Variants in GRM7 observed in about 807,000 individuals in gnomAD.
The protein encoded by GRM7 is glutamate metabotropic receptor 7.
A neutral mutation model predicts 84.5 loss-of-function variants in GRM7; 35 were observed. The ratio of observed to expected loss-of-function variants is 0.41; its 90% CI spans 0.32 to 0.55. The LOEUF is 0.55. Ranked by LOEUF, GRM7 falls within the 20% of genes least tolerant of loss-of-function variation. The pLI is 0.19. For synonymous variants in GRM7, 487 were observed against 455.1 expected (o/e 1.07, Z -0.89); for missense variants, 1,003 against 1,194.6 (o/e 0.84, Z 2.36).
chr3:7,605,580 G>A (rs1347366202), intron 8 of GRM7, among the ~76,000 whole-genome samples: 1 of 152,134 alleles, frequency 6.6e-6, no homozygotes, highest in Non-Finnish European at 1.5e-5. Flanking sequence ...CAGCAAGAAT[G>A]TCAAGTAGAG....
chr3:7,320,053 TATATAA>T (rs1700719109), intron 4 of GRM7, among the ~76,000 whole-genome samples: 2 of 151,966 alleles, frequency 1.3e-5, no homozygotes, highest in Non-Finnish European at 1.5e-5. Context: ...TCTTTCACTT[TATATAA>T]ATATAATTAT....
intron 4 of GRM7, among the ~76,000 whole-genome samples, chr3:7,399,948 C>A (rs948670870): frequency 2.0e-5 from 3 of 152,086 alleles, no homozygotes; most frequent in Non-Finnish European, 4.4e-5. Context: ...TCCTTTACAG[C>A]AACACAAAAA....
chr3:7,052,253 C>T (rs1162822545), intron 1 of GRM7, among the ~76,000 whole-genome samples: 1 of 151,640 alleles, frequency 6.6e-6, no homozygotes, highest in Non-Finnish European at 1.5e-5. Context: ...ATCCCTTCTG[C>T]CCTGTTCTCT....
intron 7 of GRM7, among the ~76,000 whole-genome samples, chr3:7,573,796 T>C (rs750325687): frequency 1.2e-4 from 18 of 152,214 alleles, no homozygotes; most frequent in Non-Finnish European, 1.9e-4. Context: ...AGGAGACAAA[T>C]AGAAAAACTT....
At chr3:7,162,036 T>A (rs1171243991) in intron 2 of GRM7, among the ~76,000 whole-genome samples, 7 of 152,210 alleles carry the variant, frequency 4.6e-5, no homozygotes, top group Non-Finnish European at 7.3e-5. Context: ...ATATTTAGGT[T>A]GTGAACAACT....
chr3:7,406,768 C>T (rs980155065), intron 4 of GRM7, among the ~76,000 whole-genome samples: 14 of 152,134 alleles, frequency 9.2e-5, no homozygotes, highest in African/African-American at 3.1e-4. Flanking sequence ...GCTTTAAATG[C>T]CTTTTCAAAA....
chr3:7,077,292 T>G (rs1049621581), intron 1 of GRM7, among the ~76,000 whole-genome samples: 1 of 152,346 alleles, frequency 6.6e-6, no homozygotes, highest in South Asian at 2.1e-4. Context: ...ATTGCAGCAC[T>G]GTTCACAATA....
intron 9 of GRM7, among the ~76,000 whole-genome samples, chr3:7,725,905 T>A (rs962237621): frequency 1.4e-4 from 21 of 152,120 alleles, no homozygotes; most frequent in Admixed American, 1.2e-3. Context: ...AAAAAAAAAT[T>A]CCACTCCAAC....
At chr3:7,468,399 C>T in intron 7 of GRM7, among the ~76,000 whole-genome samples, 1 of 152,116 alleles carries the variant, frequency 6.6e-6, no homozygotes, top group East Asian at 1.9e-4. Context: ...GGATCTGAGT[C>T]TCAGTTCTAC....
intron 9 of GRM7, among the ~76,000 whole-genome samples, chr3:7,700,043 T>C (rs1701169972): frequency 6.6e-6 from 1 of 152,210 alleles, no homozygotes. Context: ...TGTGATCTGA[T>C]ACATAGCTGA....
intron 2 of GRM7, among the ~76,000 whole-genome samples, chr3:7,168,612 T>C (rs1387990994): frequency 1.3e-5 from 2 of 152,206 alleles, no homozygotes; most frequent in African/African-American, 4.8e-5. Flanking sequence ...AGCCCTTCAA[T>C]GTATGACATT....
At chr3:7,711,084 A>G (rs956602852) in intron 9 of GRM7, among the ~76,000 whole-genome samples, 2 of 152,154 alleles carry the variant, frequency 1.3e-5, no homozygotes, top group Non-Finnish European at 1.5e-5. Flanking sequence ...AGTTGTCCCT[A>G]AGTATTAGAC....
intron 4 of GRM7, among the ~76,000 whole-genome samples, chr3:7,350,210 TGA>T (rs1317420148): frequency 6.6e-6 from 1 of 152,118 alleles, no homozygotes; most frequent in Non-Finnish European, 1.5e-5. Context: ...CTAAAATTAC[TGA>T]GAAAAAGTTT....
At chr3:7,185,221 A>G (rs74404080) in intron 2 of GRM7, among the ~76,000 whole-genome samples, 2,684 of 152,280 alleles carry the variant, frequency 0.018, 31 homozygotes, top group Non-Finnish European at 0.026. Context: ...GACCCCCGAC[A>G]TTCACCTCTT....
chr3:7,254,432 A>C (rs887924246), intron 2 of GRM7, among the ~76,000 whole-genome samples: 1 of 152,218 alleles, frequency 6.6e-6, no homozygotes, highest in Admixed American at 6.5e-5. Flanking sequence ...AGCATTCAGT[A>C]AACATTTGTT....
At chr3:6,985,879 G>A (rs1291741809) in intron 1 of GRM7, among the ~76,000 whole-genome samples, 1 of 152,142 alleles carries the variant, frequency 6.6e-6, no homozygotes, top group Non-Finnish European at 1.5e-5. Context: ...AGACCTTCCC[G>A]AGGATGTTTT....
rs546146538 is a variant in GRM7, at chr3:7,053,535, CTT to C, written c.520-92915_520-92914del. Reference sequence around the variant, plus strand: ...ATCTTACATTAATGTCTATAATTCACTTTGTCAATTTTTATGTATGTTGTACA... The same window carrying C: ...ATCTTACATTAATGTCTATAATTCACTGTCAATTTTTATGTATGTTGTACA... On this transcript the variant is annotated intron_variant, in intron 1 of 9. Transcript: ENST00000357716. 9.6e-4 allele frequency among the ~76,000 whole-genome samples: 145 copies of C among 151,720 alleles called. 1 individual carries two copies. The highest frequency in any genetic ancestry group is 3.3e-3 in the South Asian group (16 of 4,826).
At chr3:7,476,165 C>T (rs968332774) in intron 7 of GRM7, among the ~76,000 whole-genome samples, 34 of 152,280 alleles carry the variant, frequency 2.2e-4, no homozygotes, top group Non-Finnish European at 5.0e-4. Flanking sequence ...TAACTTGCTT[C>T]CCTTCTCCAG....
At chr3:6,892,252 C>T (rs898497228) in intron 1 of GRM7, among the ~76,000 whole-genome samples, 5 of 152,124 alleles carry the variant, frequency 3.3e-5, no homozygotes. Context: ...TATGAGGAAG[C>T]AAGGACCTCA....
Sources: gnomAD v4.1 joint callset for allele counts (sites outside exome capture counted in the v4.1 genomes callset) on GRCh38, gnomAD v4.1.1 for gene constraint, MANE v1.5 for transcripts, NCBI Gene and HGNC (gene_info 2026-07-23, HGNC 2026-07-21) for gene names.